COL21A1: variants seen among roughly 807,000 people sequenced by gnomAD.
The protein encoded by COL21A1 is collagen alpha-1(XXI) chain.
In COL21A1, 149 loss-of-function variants were observed where a neutral mutation model predicts 137.9. The observed-to-expected ratio is 1.08, with a 90% CI of 0.95 to 1.24. The LOEUF is 1.24. Among genes scored for constraint, COL21A1 ranks in the 50% most tolerant of loss-of-function variants. The pLI, the probability that COL21A1 is intolerant of heterozygous loss-of-function variation, is 0.00. For synonymous variants in COL21A1, 456 were observed against 391.5 expected, an observed-to-expected ratio of 1.16 and a Z score of -1.95; for missense variants, 1,167 against 1,158.4, an observed-to-expected ratio of 1.01 and a Z score of -0.11.
chr6:56,077,601 CT>C, intron 17 of COL21A1, 28 bp from the exon 18 acceptor site: 1 of 1,424,460 alleles, frequency 7.0e-7, no homozygotes, highest in Non-Finnish European at 9.5e-7. Context: ...AGATTTTTAA[CT>C]TATAAAAAAT....
At chr6:56,171,189 A>C in intron 3 of COL21A1, 61 bp from the exon 4 acceptor site, 1 of 1,207,348 alleles carries the variant, frequency 8.3e-7, no homozygotes, top group Non-Finnish European at 1.2e-6. Context: ...TAAAAGAAAA[A>C]TCAAGGGAGA....
intron 16 of COL21A1, among the ~76,000 whole-genome samples, chr6:56,102,591 C>G (rs540046428): frequency 6.6e-6 from 1 of 152,132 alleles, no homozygotes; most frequent in Non-Finnish European, 1.5e-5. Context: ...TGCACTGAAG[C>G]ATATTATAAC....
intron 1 of COL21A1, among the ~76,000 whole-genome samples, chr6:56,206,697 A>AATATATAT (rs1204449084): frequency 0.011 from 346 of 31,834 alleles, 1 homozygote; most frequent in East Asian, 0.038. Context: ...TAAATAAATA[A>AATATATAT]ATATATATAT....
intron 1 of COL21A1, among the ~76,000 whole-genome samples, chr6:56,300,211 T>A (rs1582765127): frequency 1.3e-5 from 2 of 152,214 alleles, no homozygotes; most frequent in Middle Eastern, 6.8e-3. Context: ...AATGTACAGA[T>A]AAAATGATAT....
chr6:56,168,341 CA>C lies in COL21A1; in HGVS notation c.1027-45del, dbSNP rs143680879. 4,749 of 1,426,672 alleles carry C rather than the reference CA, an allele frequency of 3.3e-3. 141 individuals carry two copies. The African/African-American group carries it at 0.061, about 18-fold the overall frequency. 88.4% of individuals were successfully genotyped at this position (1,426,672 alleles called of 1,614,324 possible). On this transcript the variant is annotated intron_variant, in intron 5 of 29. Coordinates refer to ENST00000244728, the MANE Select transcript of COL21A1 (RefSeq NM_030820.4). ...GAAGATTCATAAATAAAGCCCCTAACAATATTTTATTTTCTTTGTTCTTACT... is the reference window on the plus strand; with the variant it reads ...GAAGATTCATAAATAAAGCCCCTAACATATTTTATTTTCTTTGTTCTTACT...
intron 17 of COL21A1, among the ~76,000 whole-genome samples, chr6:56,084,830 A>G (rs1037636474): frequency 6.6e-6 from 1 of 152,096 alleles, no homozygotes. Flanking sequence ...ACTGGAAAGA[A>G]TTATACTGCA....
At chr6:56,148,243 T>A (rs1397576337) in intron 10 of COL21A1, among the ~76,000 whole-genome samples, 1 of 151,924 alleles carries the variant, frequency 6.6e-6, no homozygotes, top group East Asian at 1.9e-4. Flanking sequence ...AAAGGCATAG[T>A]TTTAAATAAC....
intron 1 of COL21A1, among the ~76,000 whole-genome samples, chr6:56,244,208 C>A (rs1283243951): frequency 3.3e-5 from 5 of 152,094 alleles, no homozygotes; most frequent in African/African-American, 1.2e-4. Flanking sequence ...TGCTCTGGAC[C>A]CTATACCTAT....
intron 1 of COL21A1, among the ~76,000 whole-genome samples, chr6:56,195,456 A>G (rs561161702): frequency 1.8e-4 from 27 of 152,208 alleles, no homozygotes; most frequent in African/African-American, 6.5e-4. Context: ...GGAGGGAAAG[A>G]GGGGCAGAAT....
chr6:56,091,844 C>T (rs1768848867), intron 17 of COL21A1, among the ~76,000 whole-genome samples: 1 of 152,130 alleles, frequency 6.6e-6, no homozygotes, highest in Non-Finnish European at 1.5e-5. Context: ...ACATTGAATT[C>T]AGTTGAAAAT....
At chr6:56,098,648 A>C (rs866410127) in intron 17 of COL21A1, among the ~76,000 whole-genome samples, 22 of 11,382 alleles carry the variant, frequency 1.9e-3, no homozygotes, top group East Asian at 0.012. Flanking sequence ...AATATATATA[A>C]ATATATAAAT....
At chr6:56,208,260 T>C (rs569119098) in intron 1 of COL21A1, among the ~76,000 whole-genome samples, 14 of 152,330 alleles carry the variant, frequency 9.2e-5, no homozygotes, top group African/African-American at 3.4e-4. Flanking sequence ...GATGACATGA[T>C]TGTATATTTA....
chr6:56,289,062 T>G (rs1319343895), intron 1 of COL21A1, among the ~76,000 whole-genome samples: 1 of 152,144 alleles, frequency 6.6e-6, no homozygotes, highest in African/African-American at 2.4e-5. Flanking sequence ...GGAGACAAAT[T>G]TTCCCCTTTA....
intron 16 of COL21A1, among the ~76,000 whole-genome samples, chr6:56,105,784 G>A (rs1455650779): frequency 1.3e-5 from 2 of 152,162 alleles, no homozygotes; most frequent in Non-Finnish European, 2.9e-5. Context: ...GCTGTAAAAA[G>A]AGCCAAGCTC....
chr6:56,309,584 G>A (rs6925039), intron 1 of COL21A1, among the ~76,000 whole-genome samples: 127,882 of 152,040 alleles, frequency 0.84, 55,849 homozygotes, highest in South Asian at 0.97. Flanking sequence ...TGGATGTGAG[G>A]TACTCCCAGG....
chr6:56,122,487 G>A (rs754947913), intron 16 of COL21A1, among the ~76,000 whole-genome samples: 9 of 151,904 alleles, frequency 5.9e-5, no homozygotes, highest in Non-Finnish European at 4.4e-5. Flanking sequence ...TAATTTTTTT[G>A]TATTTTTAAT....
At chr6:56,170,928 C>A in intron 4 of COL21A1, 32 bp downstream of exon 4, 1 of 1,589,526 alleles carries the variant, frequency 6.3e-7, no homozygotes. Context: ...ACATATCCCC[C>A]CAAAAAAGTT....
At chr6:56,171,181 A>G (rs189770325) in intron 3 of COL21A1, 53 bp from the exon 4 acceptor site, 1 of 1,332,578 alleles carries the variant, frequency 7.5e-7, no homozygotes, top group East Asian at 2.3e-5. Context: ...TCAAACAATA[A>G]AAGAAAAATC....
intron 1 of COL21A1, chr6:56,276,440 A>G (rs1763655843): frequency 1.1e-5 from 7 of 614,196 alleles, no homozygotes; most frequent in East Asian, 2.9e-5. Context: ...TAAAGTCAAC[A>G]AAAGTCTTTC....
Sources: allele counts gnomAD v4.1 joint callset (sites outside exome capture counted in the v4.1 genomes callset), GRCh38; gene constraint gnomAD v4.1.1; transcripts MANE v1.5; gene names NCBI Gene and HGNC (gene_info 2026-07-23, HGNC 2026-07-21).